Variants in RYK observed in about 807,000 individuals in gnomAD.
RYK encodes inactive tyrosine-protein kinase RYK.
Under a neutral mutation model 70.2 loss-of-function variants are expected in RYK, and 21 were observed. The ratio of observed to expected loss-of-function variants is 0.30; its 90% CI spans 0.21 to 0.43. RYK has a LOEUF of 0.43. RYK is among the 20% of genes least tolerant of loss of function. The probability of loss-of-function intolerance (pLI) is 1.00; values close to 1 mark genes in which losing one functional copy is unlikely to be tolerated. For missense variants in RYK, 604 were observed against 753.3 expected, an observed-to-expected ratio of 0.80 and a Z score of 2.32; for synonymous variants, 267 against 278.0, an observed-to-expected ratio of 0.96 and a Z score of 0.39.
chr3:134,213,794 T>C (rs1279337628), intron 2 of RYK, among the ~76,000 whole-genome samples: 2 of 152,096 alleles, frequency 1.3e-5, no homozygotes, highest in Non-Finnish European at 2.9e-5. Context: ...AAATCCCCTC[T>C]ACTTTGAAGT....
chr3:134,249,929 T>G (rs1027734060), intron 1 of RYK, among the ~76,000 whole-genome samples: 2 of 147,534 alleles, frequency 1.4e-5, no homozygotes, highest in Non-Finnish European at 3.0e-5. Context: ...TTTTTTTTTT[T>G]TTTTTTTTTT....
chr3:134,250,717 G>A lies in RYK; in HGVS notation c.-63C>T, dbSNP rs1259310297. 3 of 827,242 alleles carry A rather than the reference G, an allele frequency of 3.6e-6. No homozygotes were observed. The highest frequency in any genetic ancestry group is 4.4e-6 in the Non-Finnish European group (3 of 687,208). 51.2% of individuals were successfully genotyped at this position (827,242 alleles called of 1,614,324 possible). On this transcript the variant is annotated 5_prime_UTR_variant, in exon 1 of 15. Transcript: ENST00000623711. ...CCCGCCGCACCGCCGCCCACCCCCG[G>A]CCCCGAGCCGCTCACAGCCCCGAGC...
rs1455975879 is a variant in RYK at position 134,189,299 on chromosome 3, CCT to C, written c.1016-378_1016-377del. ...TGACGAAAAGACAAAAATGAACTTT[CCT>C]CTCTACCGCAGAGCCTTAAAAAGTA... is the stretch of plus-strand genomic sequence containing the variant. On this transcript the variant is annotated intron_variant, in intron 8 of 14. Transcript: ENST00000623711. Among the ~76,000 whole-genome samples, 3 of 152,148 alleles carry C rather than the reference CCT, an allele frequency of 2.0e-5. No homozygotes were observed. The East Asian group carries it at 5.8e-4, about 29-fold the overall frequency.
intron 1 of RYK, among the ~76,000 whole-genome samples, chr3:134,242,576 T>C (rs144526819): frequency 6.6e-6 from 1 of 152,232 alleles, no homozygotes; most frequent in Non-Finnish European, 1.5e-5. Context: ...TGGTTCTGTT[T>C]CATGTACAAG....
chr3:134,172,139 T>C (rs184171892), intron 13 of RYK, among the ~76,000 whole-genome samples: 2 of 152,196 alleles, frequency 1.3e-5, no homozygotes, highest in South Asian at 2.1e-4. Context: ...AATAACAAAA[T>C]AAAAATTTTA....
chr3:134,231,891 T>C (rs2015066506), intron 1 of RYK, among the ~76,000 whole-genome samples: 1 of 152,132 alleles, frequency 6.6e-6, no homozygotes, highest in Non-Finnish European at 1.5e-5. Context: ...TTATACAAGT[T>C]CTATGCACCC....
At chr3:134,194,075 T>G (rs2013735692) in intron 7 of RYK, among the ~76,000 whole-genome samples, 1 of 152,244 alleles carries the variant, frequency 6.6e-6, no homozygotes. Flanking sequence ...GATCTTTTTC[T>G]GAATCAACTA....
intron 1 of RYK, among the ~76,000 whole-genome samples, chr3:134,249,163 C>T (rs190926278): frequency 6.6e-6 from 1 of 152,138 alleles, no homozygotes; most frequent in Non-Finnish European, 1.5e-5. Context: ...CCAAGTACTA[C>T]CCCAAGTAGA....
intron 1 of RYK, among the ~76,000 whole-genome samples, chr3:134,227,095 G>T (rs2014929745): frequency 6.6e-6 from 1 of 152,062 alleles, no homozygotes; most frequent in Non-Finnish European, 1.5e-5. Flanking sequence ...CAAGGTCTCA[G>T]AATACAAAGC....
intron 6 of RYK, among the ~76,000 whole-genome samples, chr3:134,198,636 C>A (rs1576516702): frequency 6.6e-6 from 1 of 152,334 alleles, no homozygotes; most frequent in East Asian, 1.9e-4. Flanking sequence ...TCAACTAACA[C>A]TGAGTCAATC....
intron 10 of RYK, among the ~76,000 whole-genome samples, chr3:134,182,144 G>T (rs2013316972): frequency 6.8e-6 from 1 of 146,338 alleles, no homozygotes; most frequent in African/African-American, 2.5e-5. Flanking sequence ...GACAGAGCGA[G>T]ACTCTGTCTC....
intron 2 of RYK, among the ~76,000 whole-genome samples, chr3:134,217,359 G>A (rs2014589069): frequency 6.6e-6 from 1 of 152,112 alleles, no homozygotes. Context: ...CCTTCATCAA[G>A]CCTCCCCTGC....
chr3:134,227,832 G>A (rs1459053974), intron 1 of RYK, among the ~76,000 whole-genome samples: 1 of 152,072 alleles, frequency 6.6e-6, no homozygotes, highest in Non-Finnish European at 1.5e-5. Context: ...ACCATGCCCA[G>A]CTAATTTTGT....
Position 134,157,783 on chromosome 3 carries a change from T to TA in RYK, c.*369dup, listed in dbSNP as rs2012298976. On this transcript the variant is annotated 3_prime_UTR_variant, in exon 15 of 15. Transcript: ENST00000623711. Reference sequence around the variant, plus strand: ...AGTCACTTACATCACCTTGATGAAGTAAAAAAATAAAAAGCAGTTGGCACT... The same window carrying TA: ...AGTCACTTACATCACCTTGATGAAGTAAAAAAAATAAAAAGCAGTTGGCACT... The TA allele has an allele frequency of 6.3e-6, 1 of 158,576 alleles. No homozygotes were observed. Among genetic ancestry groups the TA allele is most frequent in the Admixed American group, 6.5e-5 (1 of 15,428 alleles). The allele number at this position is 158,576 out of a possible 1,614,324, so 9.8% of individuals were successfully genotyped here.
At chr3:134,175,343 T>TAA (rs75907041) in intron 13 of RYK, among the ~76,000 whole-genome samples, 45 of 128,900 alleles carry the variant, frequency 3.5e-4, no homozygotes, top group African/African-American at 1.0e-3. Context: ...AACTCTGTCT[T>TAA]AAAAAAAAAA....
intron 1 of RYK, among the ~76,000 whole-genome samples, chr3:134,224,902 C>T (rs1275846778): frequency 6.6e-6 from 1 of 152,242 alleles, no homozygotes; most frequent in Admixed American, 6.5e-5. Context: ...ATGCTACAAA[C>T]TAATGATTAA....
At chr3:134,216,194 G>A (rs1438735874) in intron 2 of RYK, among the ~76,000 whole-genome samples, 1 of 152,172 alleles carries the variant, frequency 6.6e-6, no homozygotes, top group Non-Finnish European at 1.5e-5. Flanking sequence ...AAGCTGGTAA[G>A]TAAAGCCATT....
chr3:134,208,055 T>C (rs2014268461), intron 4 of RYK, among the ~76,000 whole-genome samples: 1 of 152,138 alleles, frequency 6.6e-6, no homozygotes, highest in Non-Finnish European at 1.5e-5. Context: ...ATGACTAGGG[T>C]GGCCAAAACC....
intron 11 of RYK, 89 bp downstream of exon 11, chr3:134,177,852 G>T: frequency 8.6e-7 from 1 of 1,162,266 alleles, no homozygotes; most frequent in Non-Finnish European, 1.2e-6. Flanking sequence ...CCTCTAAACA[G>T]TTTATATTTA....
Sources: allele counts gnomAD v4.1 joint callset (sites outside exome capture counted in the v4.1 genomes callset), GRCh38; gene constraint gnomAD v4.1.1; transcripts MANE v1.5; gene names NCBI Gene and HGNC (gene_info 2026-07-23, HGNC 2026-07-21).